Variants in PTPN14 observed in about 807,000 individuals in gnomAD.
PTPN14 encodes protein tyrosine phosphatase non-receptor type 14.
Under a neutral mutation model 126.8 loss-of-function variants are expected in PTPN14, and 53 were observed. The ratio of observed to expected loss-of-function variants is 0.42; its 90% confidence interval spans 0.34 to 0.53. The LOEUF is 0.53. PTPN14 is among the 20% of genes least tolerant of loss of function. The pLI is 0.08. For synonymous variants in PTPN14, 630 were observed against 599.3 expected (o/e 1.05, Z -0.75); for missense variants, 1,257 against 1,552.9 (o/e 0.81, Z 3.20).
chr1:214,363,873 C>T (rs760703901), intron 18 of PTPN14, among the ~76,000 whole-genome samples: 2 of 152,212 alleles, frequency 1.3e-5, no homozygotes, highest in African/African-American at 2.4e-5. Context: ...ACTCCCTAAT[C>T]CTACAGCAGC....
At chr1:214,415,180 T>C (rs1659398373) in intron 3 of PTPN14, among the ~76,000 whole-genome samples, 2 of 152,166 alleles carry the variant, frequency 1.3e-5, no homozygotes. Context: ...AAATAATTTG[T>C]AATTCCACTA....
chr1:214,474,322 G>A (rs1660823942), intron 1 of PTPN14, among the ~76,000 whole-genome samples: 1 of 152,088 alleles, frequency 6.6e-6, no homozygotes, highest in East Asian at 1.9e-4. Context: ...CATACACTTT[G>A]CTCAGGAAAC....
At chr1:214,498,480 T>A (rs78061338) in intron 1 of PTPN14, among the ~76,000 whole-genome samples, 1 of 143,250 alleles carries the variant, frequency 7.0e-6, no homozygotes, top group Non-Finnish European at 1.5e-5. Flanking sequence ...ATTATCCATA[T>A]TTTTTCAACC....
intron 1 of PTPN14, among the ~76,000 whole-genome samples, chr1:214,481,987 C>CAA (rs749522633): frequency 8.1e-5 from 7 of 86,030 alleles, no homozygotes; most frequent in African/African-American, 1.3e-4. Flanking sequence ...AGTCTGTCTC[C>CAA]AAAAAAAAAA....
At chr1:214,360,711 C>A (rs1195573635) in intron 18 of PTPN14, among the ~76,000 whole-genome samples, 1 of 152,202 alleles carries the variant, frequency 6.6e-6, no homozygotes. Flanking sequence ...AATCTCAGCT[C>A]TACCACTTCT....
chr1:214,486,921 C>CAT, intron 1 of PTPN14, among the ~76,000 whole-genome samples: 1 of 152,092 alleles, frequency 6.6e-6, no homozygotes, highest in East Asian at 1.9e-4. Context: ...AAGTTGACCC[C>CAT]GTCACCCAGA....
At chr1:214,392,823 G>A (rs1276995582) in intron 10 of PTPN14, among the ~76,000 whole-genome samples, 1 of 152,182 alleles carries the variant, frequency 6.6e-6, no homozygotes, top group Non-Finnish European at 1.5e-5. Context: ...AGTCTGCCAT[G>A]ACCTGGCGCT....
At chr1:214,544,052 G>T (rs1157961577) in intron 1 of PTPN14, among the ~76,000 whole-genome samples, 1 of 152,198 alleles carries the variant, frequency 6.6e-6, no homozygotes, top group Non-Finnish European at 1.5e-5. Flanking sequence ...TTGTAACTTA[G>T]TAGAGGAGAT....
At chr1:214,460,980 G>C (rs1366308590) in intron 2 of PTPN14, among the ~76,000 whole-genome samples, 2 of 151,846 alleles carry the variant, frequency 1.3e-5, no homozygotes, top group Admixed American at 1.3e-4. Context: ...GTCAATGTAG[G>C]TTCAATAATC....
At chr1:214,539,809 T>C (rs1200477156) in intron 1 of PTPN14, among the ~76,000 whole-genome samples, 3 of 152,186 alleles carry the variant, frequency 2.0e-5, no homozygotes, top group Non-Finnish European at 4.4e-5. Flanking sequence ...TTCATAAGGA[T>C]GAAGGGGCAC....
At chr1:214,465,038 C>A in intron 1 of PTPN14, 81 bp from the exon 2 acceptor site, 2 of 285,194 alleles carry the variant, frequency 7.0e-6, no homozygotes, top group Non-Finnish European at 5.8e-6. Context: ...CACAGAAGCC[C>A]CCCCCCCCCC....
At chr1:214,427,783 T>C (rs1329970363) in intron 3 of PTPN14, among the ~76,000 whole-genome samples, 1 of 151,462 alleles carries the variant, frequency 6.6e-6, no homozygotes, top group South Asian at 2.1e-4. Context: ...TGAGCAAAGA[T>C]CTGAAAAAAA....
chr1:214,449,493 T>C (rs4576640), intron 3 of PTPN14, among the ~76,000 whole-genome samples: 8,938 of 152,304 alleles, frequency 0.059, 309 homozygotes, highest in South Asian at 0.15. Context: ...TTCTAGTCCA[T>C]GTTTCACCCT....
intron 17 of PTPN14, among the ~76,000 whole-genome samples, chr1:214,368,708 C>T (rs988417213): frequency 2.0e-5 from 3 of 152,128 alleles, no homozygotes; most frequent in Non-Finnish European, 2.9e-5. Flanking sequence ...CCTGGCTGGG[C>T]ACAGTGGCTC....
At chr1:214,437,814 TCCATCTACTAACAGAAAAG>T (rs1236106838) in intron 3 of PTPN14, among the ~76,000 whole-genome samples, 1 of 152,152 alleles carries the variant, frequency 6.6e-6, no homozygotes. Context: ...TTCTCCAACA[TCCATCTACTAACAGAAAAG>T]ACCAGCTACA....
At chr1:214,431,260 A>G (rs1659790896) in intron 3 of PTPN14, among the ~76,000 whole-genome samples, 1 of 152,346 alleles carries the variant, frequency 6.6e-6, no homozygotes, top group South Asian at 2.1e-4. Context: ...AGGAAGGAAA[A>G]TGATGAAAGC....
intron 1 of PTPN14, among the ~76,000 whole-genome samples, chr1:214,467,732 C>T (rs1558116573): frequency 6.6e-6 from 1 of 152,164 alleles, no homozygotes; most frequent in Admixed American, 6.5e-5. Flanking sequence ...AGTACATTAT[C>T]TACTGAAAAT....
intron 3 of PTPN14, among the ~76,000 whole-genome samples, chr1:214,432,206 C>T (rs1303296714): frequency 6.7e-6 from 1 of 149,466 alleles, no homozygotes; most frequent in Non-Finnish European, 1.5e-5. Context: ...AAAAAAAAAT[C>T]AGTAGGATTT....
intron 1 of PTPN14, among the ~76,000 whole-genome samples, chr1:214,515,343 C>T (rs990641027): frequency 1.3e-5 from 2 of 151,886 alleles, no homozygotes; most frequent in Admixed American, 1.3e-4. Context: ...TATCTTCCTG[C>T]CAGCACCACA....
Sources: gnomAD v4.1 joint callset for allele counts (sites outside exome capture counted in the v4.1 genomes callset) on GRCh38, gnomAD v4.1.1 for gene constraint, MANE v1.5 for transcripts, NCBI Gene and HGNC (gene_info 2026-07-23, HGNC 2026-07-21) for gene names.